Variants in CD99L2 observed in about 807,000 individuals in gnomAD.
The protein encoded by CD99L2 is CD99 antigen-like protein 2.
CD99L2 carries 24 observed loss-of-function variants against 27.3 expected under a neutral mutation model. That is an observed-to-expected ratio of 0.88 (90% CI 0.64 to 1.24). The LOEUF (loss-of-function observed/expected upper bound fraction) is 1.24, where lower values mean the gene tolerates loss of function less well. CD99L2 is among the 50% of genes most tolerant of loss of function. The pLI is 0.00. For missense variants in CD99L2, 255 were observed against 221.6 expected, an observed-to-expected ratio of 1.15 and a Z score of -0.96; for synonymous variants, 97 against 87.9, an observed-to-expected ratio of 1.10 and a Z score of -0.58.
chrX:150,861,780 C>A (rs2046981271), intron 1 of CD99L2, among the ~76,000 whole-genome samples: 1 of 109,492 alleles, frequency 9.1e-6, no homozygotes, highest in African/African-American at 3.3e-5. Flanking sequence ...GTGGCGGGCG[C>A]CTGTAATCTC....
intron 10 of CD99L2, among the ~76,000 whole-genome samples, chrX:150,769,678 TGCGCCACCAGGCCTCG>T (rs2043389526): frequency 1.1e-5 from 1 of 89,106 alleles, no homozygotes; most frequent in Admixed American, 1.5e-4. Context: ...TCTCCCTGCC[TGCGCCACCAGGCCTCG>T]GCTGCTCCCC....
intron 2 of CD99L2, chrX:150,828,543 A>T (rs2046396048): frequency 9.0e-6 from 1 of 111,408 alleles, no homozygotes; most frequent in African/African-American, 3.3e-5. Context: ...ATACAAAGAG[A>T]TCTTAATAAA....
rs1055562837 is a variant in CD99L2 at position 150,766,926 on chromosome X, G to C, written c.*2108C>G. 8.9e-6 allele frequency: 1 copy of C among 111,866 alleles called. No homozygotes were observed. Among genetic ancestry groups the C allele is most frequent in the African/African-American group, 3.3e-5 (1 of 30,755 alleles). The allele number at this position is 111,866 out of a possible 1,213,427, so 9.2% of individuals were successfully genotyped here. On this transcript the variant is annotated 3_prime_UTR_variant, in exon 11 of 11. Transcript: ENST00000370377. ...GCTTTGTGCAGAAAGCACCCGGGGC[G>C]GGGGGCGGTAAGGGAGAGCAAAATG...
chrX:150,815,905 C>T, intron 3 of CD99L2, 102 bp downstream of exon 3: 1 of 814,940 alleles, frequency 1.2e-6, no homozygotes, highest in Admixed American at 2.2e-5. Flanking sequence ...ATTGTTTCTG[C>T]ACACATGGGG....
intron 1 of CD99L2, among the ~76,000 whole-genome samples, chrX:150,852,807 G>GA (rs1226051440): frequency 9.0e-6 from 1 of 111,498 alleles, no homozygotes; most frequent in Non-Finnish European, 1.9e-5. Context: ...TCTTATGGCT[G>GA]AAAAAAGTCC....
chrX:150,862,836 A>AAGAGAG (rs368518966), intron 1 of CD99L2, among the ~76,000 whole-genome samples: 4 of 106,094 alleles, frequency 3.8e-5, no homozygotes, highest in African/African-American at 1.4e-4. Context: ...AAGAAAGAGA[A>AAGAGAG]AGAGAGAGAG....
chrX:150,776,178 A>C lies in CD99L2; in HGVS notation c.651T>G (p.Ile217Met), dbSNP rs200446558. 2 of 1,210,849 alleles carry C rather than the reference A, an allele frequency of 1.7e-6. No homozygotes were observed. The highest frequency in any genetic ancestry group is 2.2e-6 in the Non-Finnish European group (2 of 895,106). ...CGAGTGGGTGGCTGCACTTACGCTG[A>C]ATGCTGAAGCAGAACTTCTTCTGCT... The part of the protein sequence containing the change: ...SYQQKKFCFS[I>M]QQGLNADYVK... Residue 217 changes from isoleucine to methionine, a missense_variant, in exon 9 of 11, where the codon ATT (isoleucine) becomes ATG (methionine). Physicochemically the swap from Ile to Met is conservative, Grantham distance 10 (BLOSUM62 1). Coordinates refer to ENST00000370377, the MANE Select transcript of CD99L2 (RefSeq NM_031462.4).
At chrX:150,820,890 G>T (rs2046234235) in intron 2 of CD99L2, among the ~76,000 whole-genome samples, 1 of 111,238 alleles carries the variant, frequency 9.0e-6, no homozygotes, top group Non-Finnish European at 1.9e-5. Flanking sequence ...ATCAATACAA[G>T]GAGCAAAAGA....
intron 2 of CD99L2, among the ~76,000 whole-genome samples, chrX:150,824,707 G>GGAAGAGGAAGAAGAA (rs782774913): frequency 4.7e-4 from 44 of 93,663 alleles, no homozygotes; most frequent in Middle Eastern, 0.011. Flanking sequence ...AAGAGGAAGA[G>GGAAGAGGAAGAAGAA]GAAGAAGAAG....
At position 150,814,536 on chromosome X, in the gene CD99L2, CAT is replaced by C. The variant is rs782802243; in HGVS notation, c.277+324_277+325del. On this transcript the variant is annotated intron_variant, in intron 4 of 10. Transcript: ENST00000370377. ...CAATATAAGTTTTTGTCTTACCAAG[CAT>C]AGTTATTTCTCATAAAAATGTTATT... Among the ~76,000 whole-genome samples the C allele has an allele frequency of 2.7e-4, 31 of 112,775 alleles. No homozygotes were observed. The East Asian group carries it at 8.3e-3, about 30-fold the overall frequency.
intron 1 of CD99L2, among the ~76,000 whole-genome samples, chrX:150,890,437 C>T (rs1161587160): frequency 2.7e-5 from 3 of 111,874 alleles, no homozygotes; most frequent in African/African-American, 9.7e-5. Context: ...CGAGATTGCG[C>T]CATTGCACTC....
intron 6 of CD99L2, 115 bp downstream of exon 6, chrX:150,795,091 C>A (rs1557419853): frequency 1.2e-6 from 1 of 828,776 alleles, no homozygotes; most frequent in Non-Finnish European, 1.8e-6. Context: ...TGAGTACCAC[C>A]ATTATAGGGT....
At chrX:150,825,787 T>C (rs1342912576) in intron 2 of CD99L2, among the ~76,000 whole-genome samples, 1 of 112,056 alleles carries the variant, frequency 8.9e-6, no homozygotes, top group East Asian at 2.8e-4. Flanking sequence ...AATGACAAAC[T>C]CAGAAAAAAT....
intron 1 of CD99L2, among the ~76,000 whole-genome samples, chrX:150,863,657 T>C (rs2047014398): frequency 8.9e-6 from 1 of 112,332 alleles, no homozygotes; most frequent in Non-Finnish European, 1.9e-5. Context: ...TGTATCACTG[T>C]ACTGGGTTGA....
At chrX:150,802,119 A>T (rs2045917436) in intron 4 of CD99L2, among the ~76,000 whole-genome samples, 1 of 112,192 alleles carries the variant, frequency 8.9e-6, no homozygotes, top group African/African-American at 3.2e-5. Context: ...AGATGACATG[A>T]TCATGTACAT....
chrX:150,838,444 T>C (rs1282501288), intron 1 of CD99L2, among the ~76,000 whole-genome samples: 2 of 111,763 alleles, frequency 1.8e-5, no homozygotes, highest in Non-Finnish European at 3.8e-5. Flanking sequence ...TAGGGAAAAC[T>C]GGATATGAAG....
At chrX:150,788,538 T>C (rs1319365124) in intron 7 of CD99L2, among the ~76,000 whole-genome samples, 1 of 110,978 alleles carries the variant, frequency 9.0e-6, no homozygotes, top group Non-Finnish European at 1.9e-5. Flanking sequence ...GAAAGAATAA[T>C]CTAGATTCAA....
chrX:150,824,707 G>GAAGAA (rs2046343166), intron 2 of CD99L2, among the ~76,000 whole-genome samples: 2 of 93,619 alleles, frequency 2.1e-5, no homozygotes, highest in Non-Finnish European at 2.1e-5. Flanking sequence ...AAGAGGAAGA[G>GAAGAA]GAAGAAGAAG....
chrX:150,812,652 T>C (rs1489346945), intron 4 of CD99L2, among the ~76,000 whole-genome samples: 1 of 112,523 alleles, frequency 8.9e-6, no homozygotes, highest in Non-Finnish European at 1.9e-5. Context: ...CTTACAAAAC[T>C]AAACATGTAA....
Sources: allele counts gnomAD v4.1 joint callset (sites outside exome capture counted in the v4.1 genomes callset), GRCh38; gene constraint gnomAD v4.1.1; transcripts MANE v1.5; gene names NCBI Gene and HGNC (gene_info 2026-07-23, HGNC 2026-07-21).